Variants in FAM161A observed in about 807,000 individuals in gnomAD.
The protein encoded by FAM161A is protein FAM161A.
A neutral mutation model predicts 70.9 loss-of-function variants in FAM161A; 57 were observed. The ratio of observed to expected loss-of-function variants is 0.80; its 90% CI spans 0.65 to 1.00. FAM161A has a LOEUF of 1.00. FAM161A is among the 50% of genes least tolerant of loss of function. The pLI is 0.00. For missense variants in FAM161A, 880 were observed against 836.0 expected (o/e 1.05, Z -0.65); for synonymous variants, 299 against 295.7 (o/e 1.01, Z -0.12).
At chr2:61,838,336 C>T (rs1672849454) in intron 4 of FAM161A, among the ~76,000 whole-genome samples, 1 of 152,200 alleles carries the variant, frequency 6.6e-6, no homozygotes, top group South Asian at 2.1e-4. Context: ...TCATGGTTCT[C>T]ACCATAAAGG....
intron 1 of FAM161A, among the ~76,000 whole-genome samples, chr2:61,849,714 G>T (rs1673429547): frequency 1.3e-5 from 2 of 150,826 alleles, no homozygotes; most frequent in South Asian, 4.2e-4. Context: ...GAACCCAGGA[G>T]GCACAGGTCT....
intron 4 of FAM161A, among the ~76,000 whole-genome samples, 197 bp downstream of exon 4, chr2:61,838,341 T>C (rs1672849665): frequency 1.3e-5 from 2 of 152,240 alleles, no homozygotes; most frequent in African/African-American, 2.4e-5. Flanking sequence ...GTTCTCACCA[T>C]AAAGGTGAGT....
At chr2:61,814,091 C>T in the FAM161A span, among the ~76,000 whole-genome samples, 2 of 152,162 alleles carry the variant, frequency 1.3e-5, no homozygotes, top group African/African-American at 2.4e-5. Context: ...GCCCCTCAGA[C>T]TCAGTCAGGG....
chr2:61,802,223 T>C, the FAM161A span, among the ~76,000 whole-genome samples: 1 of 152,144 alleles, frequency 6.6e-6, no homozygotes, highest in East Asian at 1.9e-4. Flanking sequence ...GCAGGGGACA[T>C]AAGACCTACC....
intron 1 of FAM161A, among the ~76,000 whole-genome samples, chr2:61,847,255 A>G (rs192317601): frequency 1.9e-4 from 29 of 152,212 alleles, no homozygotes; most frequent in Non-Finnish European, 4.0e-4. Flanking sequence ...AGATATCCAC[A>G]TGACCCACTT....
intron 4 of FAM161A, among the ~76,000 whole-genome samples, chr2:61,837,633 G>C (rs751524630): frequency 2.0e-5 from 3 of 152,130 alleles, no homozygotes; most frequent in Non-Finnish European, 4.4e-5. Flanking sequence ...GCTAGGCGTG[G>C]TGGTGAGCAC....
chr2:61,848,597 T>C (rs6760311), intron 1 of FAM161A, among the ~76,000 whole-genome samples: 147,801 of 151,020 alleles, frequency 0.98, 72,336 homozygotes, highest in East Asian at 1. Flanking sequence ...ATCCTTCCAG[T>C]ACCTGTTGCT....
chr2:61,840,502 AG>A lies in FAM161A; in HGVS notation c.501del (p.Ser168ProfsTer14). On this transcript the variant is annotated frameshift_variant, in exon 3 of 7. Transcript: ENST00000404929. LOFTEE classifies it high-confidence loss of function. The part of the protein sequence containing the change: ...SFSEPDLGQS[S>X]SLYVSSSEEE... ...TCTTCAGAGGAGGACACATACAAGG[AG>A]GAAGACTGGCCTAAATCAGGCTCTG... 6.2e-7 allele frequency: 1 copy of A among 1,614,032 alleles called. No homozygotes were observed. The highest frequency in any genetic ancestry group is 8.5e-7 in the Non-Finnish European group (1 of 1,179,906).
At chr2:61,804,365 G>A in the FAM161A span, among the ~76,000 whole-genome samples, 1 of 152,156 alleles carries the variant, frequency 6.6e-6, no homozygotes, top group African/African-American at 2.4e-5. Context: ...CAGCCCAGTA[G>A]GTCTCAGCCT....
chr2:61,824,842 A>G, downstream of FAM161A: 1 of 382,128 alleles, frequency 2.6e-6, no homozygotes, highest in South Asian at 2.0e-5. Flanking sequence ...GTATATAAAA[A>G]CCATATTCAT....
chr2:61,834,914 GA>G (rs1672716965), intron 5 of FAM161A, among the ~76,000 whole-genome samples: 4 of 152,116 alleles, frequency 2.6e-5, no homozygotes, highest in Non-Finnish European at 5.9e-5. Context: ...TAATGTCTTT[GA>G]GCCAAAAGCC....
downstream of FAM161A, chr2:61,820,072 A>G (rs60822093): frequency 0.16 from 48,755 of 308,118 alleles, 4,367 homozygotes; most frequent in Middle Eastern, 0.26. Context: ...TTTATACAGT[A>G]TATTTAATGA....
At chr2:61,812,041 A>G in the FAM161A span, among the ~76,000 whole-genome samples, 1 of 151,942 alleles carries the variant, frequency 6.6e-6, no homozygotes, top group Non-Finnish European at 1.5e-5. Flanking sequence ...TCTATCTAAG[A>G]TGCCTCCCCC....
intron 1 of FAM161A, among the ~76,000 whole-genome samples, chr2:61,847,937 C>A (rs534298014): frequency 6.6e-5 from 10 of 152,152 alleles, no homozygotes; most frequent in Admixed American, 1.3e-4. Flanking sequence ...GGGAAGAGGG[C>A]AGTTACTCCC....
the FAM161A span, among the ~76,000 whole-genome samples, chr2:61,809,131 C>G: frequency 1.3e-5 from 2 of 152,134 alleles, no homozygotes; most frequent in Non-Finnish European, 2.9e-5. Context: ...CCTCAGCCTC[C>G]CAAAGTGCTG....
rs144787369 is a variant in FAM161A at position 61,845,531 on chromosome 2, A to G, written c.184-3171T>C. On this transcript the variant is annotated intron_variant, in intron 1 of 6. Coordinates refer to ENST00000404929, the MANE Select transcript of FAM161A (RefSeq NM_001201543.2). Reference sequence around the variant, plus strand: ...GGAGGTAATATTTGAGATGAGTCATAAAGAATGGAGGCCAGGTGTGGTAGC... The same window carrying G: ...GGAGGTAATATTTGAGATGAGTCATGAAGAATGGAGGCCAGGTGTGGTAGC... Among the ~76,000 whole-genome samples the G allele has an allele frequency of 1.1e-4, 17 of 152,266 alleles. 1 individual carries two copies. Among genetic ancestry groups the G allele is most frequent in the African/African-American group, 1.9e-4 (8 of 41,562 alleles).
At position 61,839,694 on chromosome 2, in the gene FAM161A, C is replaced by T; in HGVS notation, c.1310G>A (p.Arg437Lys). 6.2e-7 allele frequency: 1 copy of T among 1,614,140 alleles called. No homozygotes were observed. Among genetic ancestry groups the T allele is most frequent in the Non-Finnish European group, 8.5e-7 (1 of 1,180,040 alleles). ...PTPDFEDLPERYQKHLSEHKS... is the reference protein window; with the variant it reads ...PTPDFEDLPEKYQKHLSEHKS... ...GTGTTCTGAGAGGTGTTTCTGGTAT[C>T]TCTCAGGAAGGTCCTCAAAATCAGG... The change falls in exon 3 of 7, where the codon AGA becomes AAA. Residue 437 changes from arginine to lysine, a missense_variant. Physicochemically the swap from Arg to Lys is conservative, Grantham distance 26 (BLOSUM62 2). Coordinates refer to ENST00000404929, the MANE Select transcript of FAM161A (RefSeq NM_001201543.2).
At chr2:61,812,051 C>A in the FAM161A span, among the ~76,000 whole-genome samples, 8 of 152,250 alleles carry the variant, frequency 5.3e-5, 1 homozygote, top group African/African-American at 1.9e-4. Flanking sequence ...ATGCCTCCCC[C>A]AGTCATCCAC....
In FAM161A at chr2:61,844,998, C is replaced by A. The variant is rs1206674178; in HGVS notation, c.184-2638G>T. 2.0e-5 allele frequency among the ~76,000 whole-genome samples: 3 copies of A among 152,176 alleles called. No individual in the cohort carries two copies. In the East Asian group the frequency reaches 5.8e-4, roughly 29 times the overall value. On this transcript the variant is annotated intron_variant, in intron 1 of 6. Coordinates refer to ENST00000404929, the MANE Select transcript of FAM161A (RefSeq NM_001201543.2). ...GAATAAATAAATCCGAGGCATAGTG[C>A]TAGAACATCCATCGCCAGGAAACAT... is the stretch of plus-strand genomic sequence containing the variant.
Sources: gnomAD v4.1 joint callset for allele counts (sites outside exome capture counted in the v4.1 genomes callset) on GRCh38, gnomAD v4.1.1 for gene constraint, MANE v1.5 for transcripts, NCBI Gene and HGNC (gene_info 2026-07-23, HGNC 2026-07-21) for gene names.